The following PPP1R37 variants were observed in gnomAD, a reference collection of about 807,000 sequenced individuals.
PPP1R37 encodes the protein leucine rich repeat containing 68.
In PPP1R37, 21 loss-of-function variants were observed where a neutral mutation model predicts 61.0. The observed-to-expected ratio is 0.34, with a 90% CI of 0.24 to 0.50. PPP1R37 has a LOEUF of 0.50. Ranked by LOEUF, PPP1R37 falls within the 20% of genes least tolerant of loss-of-function variation. PPP1R37 has a pLI of 0.98. For synonymous variants in PPP1R37, 443 were observed against 433.5 expected, an observed-to-expected ratio of 1.02 and a Z score of -0.27; for missense variants, 910 against 952.7, an observed-to-expected ratio of 0.96 and a Z score of 0.59.
At chr19:45,135,309 T>C (rs920672465) in intron 1 of PPP1R37, among the ~76,000 whole-genome samples, 3 of 152,206 alleles carry the variant, frequency 2.0e-5, no homozygotes, top group Admixed American at 2.0e-4. Context: ...TCAGGGGTTA[T>C]GGTGGTATCC....
In PPP1R37 at chr19:45,140,465, G is replaced by A. The variant is rs761586045; in HGVS notation, c.347-41G>A. ...AGGGCCCTTCCAGCCATGCAAAGGT[G>A]CACTGTCTTAGACATGCGCACGGCT... On this transcript the variant is annotated intron_variant, in intron 3 of 12. Transcript: ENST00000221462. 4.5e-5 allele frequency: 66 copies of A among 1,479,182 alleles called. No homozygotes were observed. The African/African-American group carries it at 7.9e-4, about 18-fold the overall frequency. The allele number at this position is 1,479,182 out of a possible 1,614,324, so 91.6% of individuals were successfully genotyped here. A position where few individuals can be genotyped will look rare whatever the true frequency, so the allele number is the denominator to read the frequency against.
intron 1 of PPP1R37, among the ~76,000 whole-genome samples, chr19:45,097,762 TCC>T (rs1968011477): frequency 6.6e-6 from 1 of 151,970 alleles, no homozygotes; most frequent in African/African-American, 2.4e-5. Flanking sequence ...GTGGTCTCTC[TCC>T]CGCGCTGGAA....
At chr19:45,116,112 T>A (rs1968264219) in intron 1 of PPP1R37, among the ~76,000 whole-genome samples, 1 of 152,228 alleles carries the variant, frequency 6.6e-6, no homozygotes, top group East Asian at 1.9e-4. Flanking sequence ...AGCTGCTGTG[T>A]GTGAGGCGCT....
intron 1 of PPP1R37, among the ~76,000 whole-genome samples, chr19:45,096,601 G>T (rs990608780): frequency 1.3e-5 from 2 of 152,148 alleles, no homozygotes; most frequent in African/African-American, 4.8e-5. Flanking sequence ...AACTGGAGAG[G>T]CAGAAGGCTA....
rs537474314 is a variant in PPP1R37 at position 45,120,104 on chromosome 19, T to G, written c.203-18410T>G. ...GCGATCTCCGCTCACTGCAAGCTCC[T>G]CCTCCCAGGTTCACGCCATTCTCCT... On this transcript the variant is annotated intron_variant, in intron 1 of 12. Transcript: ENST00000221462. Among the ~76,000 whole-genome samples, 171 of 139,574 alleles carry G rather than the reference T, an allele frequency of 1.2e-3. 2 individuals are homozygous for G. The South Asian group carries it at 0.016, about 13-fold the overall frequency. The allele number at this position is 139,574 out of a possible 152,430, so 91.6% of individuals were successfully genotyped here.
intron 1 of PPP1R37, among the ~76,000 whole-genome samples, chr19:45,097,607 G>A (rs942503897): frequency 2.0e-5 from 3 of 151,936 alleles, no homozygotes; most frequent in Admixed American, 6.6e-5. Flanking sequence ...TGGAGGAGGG[G>A]GATTGTGAGG....
At chr19:45,110,142 GTCTTGCTCTGTCTCC>G (rs1471975048) in intron 1 of PPP1R37, among the ~76,000 whole-genome samples, 1 of 148,384 alleles carries the variant, frequency 6.7e-6, no homozygotes, top group East Asian at 2.0e-4. Flanking sequence ...TTGAGACAGA[GTCTTGCTCTGTCTCC>G]CAGGTTGCAG....
At chr19:45,104,122 G>T (rs1245059186) in intron 1 of PPP1R37, among the ~76,000 whole-genome samples, 1 of 152,098 alleles carries the variant, frequency 6.6e-6, no homozygotes, top group Non-Finnish European at 1.5e-5. Context: ...ATAGTCCCCT[G>T]CCCTTCCTGA....
In PPP1R37 at chr19:45,141,397, A is replaced by G. The variant is rs956476834; in HGVS notation, c.523A>G (p.Ile175Val). 2.7e-5 allele frequency: 41 copies of G among 1,535,748 alleles called. No homozygotes were observed. Among genetic ancestry groups the G allele is most frequent in the Non-Finnish European group, 3.2e-5 (37 of 1,146,808 alleles). The change falls in exon 5 of 13, where the codon ATC (isoleucine) becomes GTC (valine). Residue 175 changes from isoleucine to valine, a missense_variant. Transcript: ENST00000221462. ...THLNISFNKH[I>V]GTRGWQAAAH... Reference sequence around the variant, plus strand: ...CCTCAACATCTCCTTCAACAAGCACATCGGCACCCGGGGCTGGCAGGCGGC... The same window carrying G: ...CCTCAACATCTCCTTCAACAAGCACGTCGGCACCCGGGGCTGGCAGGCGGC...
intron 1 of PPP1R37, among the ~76,000 whole-genome samples, chr19:45,131,249 C>T (rs1468198873): frequency 3.9e-5 from 6 of 152,142 alleles, no homozygotes; most frequent in African/African-American, 1.4e-4. Flanking sequence ...GCTGGGCGAG[C>T]GGCAGAGCCC....
intron 1 of PPP1R37, among the ~76,000 whole-genome samples, chr19:45,097,477 C>G (rs556267364): frequency 1.3e-5 from 2 of 151,990 alleles, no homozygotes; most frequent in South Asian, 2.1e-4. Flanking sequence ...AGCCTCACCC[C>G]TGGGGCTACA....
chr19:45,110,362 T>C (rs1968185257), intron 1 of PPP1R37, among the ~76,000 whole-genome samples: 1 of 152,128 alleles, frequency 6.6e-6, no homozygotes, highest in Non-Finnish European at 1.5e-5. Flanking sequence ...GTGATCCTCC[T>C]GCCTTGGCCT....
At chr19:45,096,401 T>A (rs1465708692) in intron 1 of PPP1R37, among the ~76,000 whole-genome samples, 1 of 152,200 alleles carries the variant, frequency 6.6e-6, no homozygotes, top group Non-Finnish European at 1.5e-5. Context: ...AGTAAGCCAC[T>A]TTTCCTCTCC....
chr19:45,134,371 A>G (rs976532482), intron 1 of PPP1R37, among the ~76,000 whole-genome samples: 1 of 151,980 alleles, frequency 6.6e-6, no homozygotes, highest in African/African-American at 2.4e-5. Context: ...AGCTGTGTTT[A>G]TTTGCATTGG....
chr19:45,144,867 G>A lies in PPP1R37; in HGVS notation c.1001G>A (p.Ser334Asn), dbSNP rs756926980. Reference sequence around the variant, plus strand: ...CCCTCCCTCCAGCCGCACACTCAGAGCCTGGAGACGCTGAACCTGGGCCAC... The same window carrying A: ...CCCTCCCTCCAGCCGCACACTCAGAACCTGGAGACGCTGAACCTGGGCCAC... ...FLGMTLPHTQ[S>N]LETLNLGHNP... The change falls in exon 9 of 13, where the codon AGC becomes AAC. Residue 334 changes from serine (S) to asparagine (N), a missense_variant. Coordinates refer to ENST00000221462, the MANE Select transcript of PPP1R37 (RefSeq NM_019121.2). 10 of 1,534,118 alleles carry A rather than the reference G, an allele frequency of 6.5e-6. No homozygotes were observed. The African/African-American group carries it at 1.1e-4, about 17-fold the overall frequency.
chr19:45,127,714 C>T (rs536164284), intron 1 of PPP1R37, among the ~76,000 whole-genome samples: 2 of 152,210 alleles, frequency 1.3e-5, no homozygotes, highest in East Asian at 1.9e-4. Context: ...CGGTGGCTCA[C>T]GCTTGTAATC....
At chr19:45,111,627 T>C (rs1240495848) in intron 1 of PPP1R37, among the ~76,000 whole-genome samples, 1 of 152,208 alleles carries the variant, frequency 6.6e-6, no homozygotes, top group Non-Finnish European at 1.5e-5. Context: ...TGTAAGTTGT[T>C]GAAGTGTAAT....
At chr19:45,142,579 G>GA in intron 7 of PPP1R37, 121 bp downstream of exon 7, 6 of 1,087,548 alleles carry the variant, frequency 5.5e-6, no homozygotes, top group Non-Finnish European at 7.8e-6. Flanking sequence ...GTCCTGCTGG[G>GA]GCTCCCAGGA....
chr19:45,129,729 C>T (rs1163536639), intron 1 of PPP1R37, among the ~76,000 whole-genome samples: 2 of 152,196 alleles, frequency 1.3e-5, no homozygotes, highest in African/African-American at 4.8e-5. Flanking sequence ...ACGACCCCCA[C>T]AGACTAAGGC....
Sources: allele counts gnomAD v4.1 joint callset (sites outside exome capture counted in the v4.1 genomes callset), GRCh38; gene constraint gnomAD v4.1.1; transcripts MANE v1.5; gene names NCBI Gene and HGNC (gene_info 2026-07-23, HGNC 2026-07-21).